Variants in TLN2 observed in about 807,000 individuals in gnomAD.
TLN2 encodes the protein talin 2.
TLN2 carries 118 observed loss-of-function variants against 294.7 expected under a neutral mutation model. The ratio of observed to expected loss-of-function variants is 0.40; its 90% CI spans 0.34 to 0.47. The LOEUF (loss-of-function observed/expected upper bound fraction) is 0.47. TLN2 is among the 20% of genes least tolerant of loss of function. TLN2 has a pLI of 0.84. For synonymous variants in TLN2, 1,431 were observed against 1,304.5 expected, an observed-to-expected ratio of 1.10 and a Z score of -2.09; for missense variants, 3,083 against 3,282.2, an observed-to-expected ratio of 0.94 and a Z score of 1.48.
intron 1 of TLN2, among the ~76,000 whole-genome samples, chr15:62,576,168 C>G (rs1197124463): frequency 1.3e-5 from 2 of 151,538 alleles, no homozygotes; most frequent in African/African-American, 4.9e-5. Context: ...CAAAACAATT[C>G]AAAAACGAAG....
intron 2 of TLN2, among the ~76,000 whole-genome samples, chr15:62,617,425 TC>T (rs1428449142): frequency 1.3e-5 from 2 of 152,182 alleles, no homozygotes; most frequent in Non-Finnish European, 2.9e-5. Context: ...TGTTTTACAT[TC>T]CTAATCTGTC....
At chr15:62,666,235 G>T (rs1399351616) in intron 9 of TLN2, among the ~76,000 whole-genome samples, 1 of 152,172 alleles carries the variant, frequency 6.6e-6, no homozygotes. Flanking sequence ...TGCTGCTGTG[G>T]TTTGAATGTG....
chr15:62,567,554 G>C (rs958813681), intron 1 of TLN2, among the ~76,000 whole-genome samples: 3 of 152,210 alleles, frequency 2.0e-5, no homozygotes, highest in Non-Finnish European at 2.9e-5. Flanking sequence ...GAGGGGACCA[G>C]CCAGGAGCTG....
intron 1 of TLN2, among the ~76,000 whole-genome samples, chr15:62,408,905 C>T (rs768474467): frequency 3.9e-5 from 6 of 152,060 alleles, no homozygotes; most frequent in Non-Finnish European, 8.8e-5. Flanking sequence ...AACAATCCTC[C>T]TGCCTCGGCC....
At chr15:62,745,660 A>G (rs181749608) in intron 32 of TLN2, among the ~76,000 whole-genome samples, 194 of 152,290 alleles carry the variant, frequency 1.3e-3, no homozygotes, top group Admixed American at 3.0e-3. Context: ...CTGACTTTTA[A>G]TGGGTCCCCA....
intron 1 of TLN2, among the ~76,000 whole-genome samples, chr15:62,569,074 T>C (rs886357361): frequency 1.3e-5 from 2 of 152,186 alleles, no homozygotes; most frequent in Non-Finnish European, 2.9e-5. Context: ...CTTCCTCGTC[T>C]TGTGTCTGTG....
intron 46 of TLN2, among the ~76,000 whole-genome samples, chr15:62,794,653 C>A (rs1034818341): frequency 6.6e-6 from 1 of 152,178 alleles, no homozygotes; most frequent in South Asian, 2.1e-4. Context: ...CTGGCAGGAC[C>A]TAGTAGCATT....
At chr15:62,506,151 G>A (rs537384089) in intron 1 of TLN2, among the ~76,000 whole-genome samples, 2 of 152,248 alleles carry the variant, frequency 1.3e-5, no homozygotes, top group South Asian at 4.2e-4. Context: ...TAAAAGCCCA[G>A]CACAAATCTA....
At chr15:62,715,606 A>G (rs570875008) in intron 22 of TLN2, among the ~76,000 whole-genome samples, 7 of 152,332 alleles carry the variant, frequency 4.6e-5, no homozygotes, top group Admixed American at 1.3e-4. Context: ...GTTCAACTAA[A>G]AGCAACAAAG....
intron 1 of TLN2, chr15:62,453,570 G>T (rs2036280289): frequency 6.6e-6 from 1 of 152,194 alleles, no homozygotes; most frequent in South Asian, 2.1e-4. Context: ...CAGCTGCTGA[G>T]AGGTGGTTTT....
chr15:62,505,894 C>T (rs965291114), intron 1 of TLN2, among the ~76,000 whole-genome samples: 3 of 152,104 alleles, frequency 2.0e-5, no homozygotes, highest in Non-Finnish European at 2.9e-5. Flanking sequence ...TTACATTAGC[C>T]AAATGTCATT....
intron 1 of TLN2, among the ~76,000 whole-genome samples, chr15:62,563,502 G>A (rs2043148842): frequency 6.6e-6 from 1 of 152,130 alleles, no homozygotes; most frequent in South Asian, 2.1e-4. Flanking sequence ...TCCTTTGTCA[G>A]ATGTATAGAC....
intron 25 of TLN2, among the ~76,000 whole-genome samples, chr15:62,721,911 A>T (rs978005803): frequency 3.9e-5 from 6 of 152,208 alleles, no homozygotes; most frequent in African/African-American, 1.2e-4. Context: ...ATGTCCCTTC[A>T]CTGGCGAAGT....
intron 1 of TLN2, among the ~76,000 whole-genome samples, chr15:62,396,042 C>T (rs759169877): frequency 2.8e-5 from 4 of 144,966 alleles, no homozygotes; most frequent in Non-Finnish European, 6.0e-5. Context: ...ACCATGTTGG[C>T]CAGGCTGGTC....
rs139455180 is a variant in TLN2 at position 62,726,190 on chromosome 15, A to G, written c.3256-897A>G. The stretch of plus-strand genomic sequence containing the variant: ...GTAGAGCATAGACTGGTCAGTTAGA[A>G]TGCAGGAAAACATCATGAATTTTTA... On this transcript the variant is annotated intron_variant, in intron 27 of 58. Transcript: ENST00000636159. Among the ~76,000 whole-genome samples, 77 of 152,350 alleles carry G rather than the reference A, an allele frequency of 5.1e-4. 1 individual carries two copies. The East Asian group carries it at 0.015, about 29-fold the overall frequency.
chr15:62,725,634 A>G (rs1265078109), intron 27 of TLN2, among the ~76,000 whole-genome samples: 1 of 152,174 alleles, frequency 6.6e-6, no homozygotes, highest in Non-Finnish European at 1.5e-5. Context: ...GAACATTGCT[A>G]GTAAAATACC....
At chr15:62,514,875 C>T (rs2040108632) in intron 1 of TLN2, among the ~76,000 whole-genome samples, 1 of 152,062 alleles carries the variant, frequency 6.6e-6, no homozygotes, top group South Asian at 2.1e-4. Context: ...TTTCAACTTT[C>T]CCAGAAGAGA....
intron 41 of TLN2, 100 bp from the exon 42 acceptor site, chr15:62,770,864 G>A: frequency 7.0e-7 from 1 of 1,430,154 alleles, no homozygotes; most frequent in African/African-American, 1.4e-5. Context: ...CTGTGAGTCA[G>A]CCCAGTCCTG....
intron 54 of TLN2, chr15:62,831,364 A>C (rs2068827276): frequency 6.6e-6 from 1 of 152,102 alleles, no homozygotes; most frequent in Non-Finnish European, 1.5e-5. Context: ...GTTTGGAGTC[A>C]AAAATTCTGT....
Sources: gnomAD v4.1 joint callset for allele counts (sites outside exome capture counted in the v4.1 genomes callset) on GRCh38, gnomAD v4.1.1 for gene constraint, MANE v1.5 for transcripts, NCBI Gene and HGNC (gene_info 2026-07-23, HGNC 2026-07-21) for gene names.